The following HARS1 variants were observed in gnomAD, a reference collection of about 807,000 sequenced individuals.
HARS1 encodes the protein histidyl-tRNA synthetase 1.
In HARS1, 45 loss-of-function variants were observed where a neutral mutation model predicts 63.6. The ratio of observed to expected loss-of-function variants is 0.71; its 90% CI spans 0.56 to 0.91. The LOEUF is 0.91. Ranked by LOEUF, HARS1 falls within the 40% of genes least tolerant of loss-of-function variation. The probability of loss-of-function intolerance (pLI) is 0.00; values close to 1 mark genes in which losing one functional copy is unlikely to be tolerated. For missense variants in HARS1, 508 were observed against 643.2 expected, an observed-to-expected ratio of 0.79 and a Z score of 2.27; for synonymous variants, 205 against 247.1, an observed-to-expected ratio of 0.83 and a Z score of 1.60.
At chr5:140,677,512 T>C in intron 7 of HARS1, 92 bp from the exon 8 acceptor site, 1 of 1,126,344 alleles carries the variant, frequency 8.9e-7, no homozygotes, top group Non-Finnish European at 1.4e-6. Flanking sequence ...TTTAGAGCAG[T>C]AGCTGCCCAT....
chr5:140,685,034 C>T (rs1758940748), intron 2 of HARS1: 1 of 152,116 alleles, frequency 6.6e-6, no homozygotes, highest in African/African-American at 2.4e-5. Flanking sequence ...TAACCTTACA[C>T]AGATATGTAG....
At chr5:140,685,480 G>A (rs139145072) in intron 2 of HARS1, 2,420 of 154,216 alleles carry the variant, frequency 0.016, 22 homozygotes, top group Middle Eastern at 0.026. Flanking sequence ...CCAGCACTTT[G>A]GGAGGCCAAG....
chr5:140,679,640 G>A lies in HARS1; in HGVS notation c.396+148C>T, dbSNP rs1313234667. 2 of 562,598 alleles carry A rather than the reference G, an allele frequency of 3.6e-6. No individual in the cohort carries two copies. Among genetic ancestry groups the A allele is most frequent in the Non-Finnish European group, 6.4e-6 (2 of 312,080 alleles). 34.9% of individuals were successfully genotyped at this position (562,598 alleles called of 1,614,324 possible). A position where few individuals can be genotyped will look rare whatever the true frequency, so the allele number is the denominator to read the frequency against. The stretch of plus-strand genomic sequence containing the variant: ...TCTAAGGATGTGTATGCTCTGTTTA[G>A]CCAAAGTTCCACTCCTGGTTTAGAG... On this transcript the variant is annotated intron_variant, in intron 4 of 12. Transcript: ENST00000504156. The surrounding 1 kb of genome is among the most constrained non-coding windows in gnomAD (Gnocchi z 4.3).
rs1266693847 is a variant in HARS1, at chr5:140,673,939, A to G, written c.*318T>C. 15 of 556,678 alleles carry G rather than the reference A, an allele frequency of 2.7e-5. No individual in the cohort carries two copies. In the East Asian group the frequency reaches 3.1e-4, roughly 12 times the overall value. 34.5% of individuals were successfully genotyped at this position (556,678 alleles called of 1,614,324 possible). A position where few individuals can be genotyped will look rare whatever the true frequency, so the allele number is the denominator to read the frequency against. ...GAGGCATTTTATTGGACCTTTGGCA[A>G]TTGGTGGTGGGGAGGCATCTGCTCC... On this transcript the variant is annotated 3_prime_UTR_variant, in exon 13 of 13. Transcript: ENST00000504156.
At chr5:140,675,952 A>G (rs1413382615) in intron 10 of HARS1, 1 of 152,224 alleles carries the variant, frequency 6.6e-6, no homozygotes, top group Non-Finnish European at 1.5e-5. Context: ...TTGCCAGAGC[A>G]TTTCCCAGAA....
intron 5 of HARS1, chr5:140,678,340 A>G (rs1758516220): frequency 2.8e-6 from 1 of 357,790 alleles, no homozygotes; most frequent in African/African-American, 2.1e-5. Flanking sequence ...GGATGATTTG[A>G]TGTATCAAAG....
intron 3 of HARS1, among the ~76,000 whole-genome samples, chr5:140,681,075 T>C (rs1004296232): frequency 6.6e-6 from 1 of 152,052 alleles, no homozygotes; most frequent in Admixed American, 6.6e-5. Context: ...TCATCGGTAA[T>C]AGCATATTTC....
rs1480305168 is a variant in HARS1, at chr5:140,675,186, C to G, written c.1195-53G>C. The G allele has an allele frequency of 4.3e-6, 5 of 1,154,772 alleles. No individual in the cohort carries two copies. In the Admixed American group the frequency reaches 8.6e-5, roughly 20 times the overall value. The allele number at this position is 1,154,772 out of a possible 1,614,324, so 71.5% of individuals were successfully genotyped here. A position where few individuals can be genotyped will look rare whatever the true frequency, so the allele number is the denominator to read the frequency against. On this transcript the variant is annotated intron_variant, in intron 10 of 12. Transcript: ENST00000504156. ...TGGGCTAACACCTTCAAGGAGCAAA[C>G]AAAGCAGGCTCTAGTCGGGATTTTG...
chr5:140,691,133 C>G lies in HARS1; in HGVS notation c.90+82G>C, dbSNP rs1003070382. 7.9e-6 allele frequency: 9 copies of G among 1,145,928 alleles called. No homozygotes were observed. In the African/African-American group the frequency reaches 1.1e-4, roughly 13 times the overall value. 71.0% of individuals were successfully genotyped at this position (1,145,928 alleles called of 1,614,324 possible). A position where few individuals can be genotyped will look rare whatever the true frequency, so the allele number is the denominator to read the frequency against. On this transcript the variant is annotated intron_variant, in intron 1 of 12. Transcript: ENST00000504156. ...ACAAGACTGGTCGCTTCCCTCACAT[C>G]TCTACCCTATGTCCCGAACACCCTG... is the stretch of plus-strand genomic sequence containing the variant.
intron 2 of HARS1, chr5:140,685,243 C>T (rs1267600744): frequency 1.3e-5 from 2 of 150,354 alleles, no homozygotes; most frequent in Middle Eastern, 7.1e-3. Context: ...ATAGTCAAAT[C>T]CATAGAGACA....
intron 2 of HARS1, among the ~76,000 whole-genome samples, chr5:140,686,767 A>G (rs1274712374): frequency 6.6e-6 from 1 of 151,000 alleles, no homozygotes; most frequent in Non-Finnish European, 1.5e-5. Context: ...CGCCCAGCTA[A>G]TTTTTAGTAG....
chr5:140,679,605 T>C lies in HARS1; in HGVS notation c.396+183A>G. 1.9e-6 allele frequency: 1 copy of C among 515,840 alleles called. No individual in the cohort carries two copies. Among genetic ancestry groups the C allele is most frequent in the South Asian group, 3.1e-5 (1 of 32,582 alleles). The allele number at this position is 515,840 out of a possible 1,614,324, so 32.0% of individuals were successfully genotyped here. The stretch of plus-strand genomic sequence containing the variant: ...ATCAAGCTGAGGTCTCACTCAGGAT[T>C]CAGAAGATTTCTAAGGATGTGTATG... On this transcript the variant is annotated intron_variant, in intron 4 of 12. Coordinates refer to ENST00000504156, the MANE Select transcript of HARS1 (RefSeq NM_002109.6). This position sits in a 1 kb window ranked among gnomAD's most constrained non-coding sequence, Gnocchi z 4.3.
chr5:140,674,739 G>A lies in HARS1; in HGVS notation c.1398C>T (p.Ile466=), dbSNP rs766088180. Residue 466 remains isoleucine, a synonymous_variant, in exon 12 of 13, where the codon ATC becomes ATT. Transcript: ENST00000504156. ...CCCCATCCTTGAGTTCCTGCTCGCCGATGATAGCCACCAGTGGGATGCCTG... is the reference window on the plus strand; with the variant it reads ...CCCCATCCTTGAGTTCCTGCTCGCCAATGATAGCCACCAGTGGGATGCCTG... ...EEAGIPLVAI[I]GEQELKDGVI... is the part of the protein sequence containing the mutation. The A allele has an allele frequency of 2.5e-5, 41 of 1,614,052 alleles. No individual in the cohort carries two copies. Among genetic ancestry groups the A allele is most frequent in the Middle Eastern group, 3.3e-4 (2 of 6,084 alleles).
intron 7 of HARS1, 56 bp from the exon 8 acceptor site, chr5:140,677,476 A>T: frequency 7.4e-7 from 1 of 1,352,840 alleles, no homozygotes; most frequent in Non-Finnish European, 1.1e-6. Context: ...CCACAGAGCA[A>T]GTGTGTACTG....
At chr5:140,674,451 A>T (rs1325589921) in intron 12 of HARS1, 123 bp from the exon 13 acceptor site, 17 of 834,418 alleles carry the variant, frequency 2.0e-5, no homozygotes, top group Admixed American at 4.0e-5. Context: ...AACCTAATTA[A>T]ACACCTCAGG....
Position 140,679,599 on chromosome 5 carries a change from C to T in HARS1, c.396+189G>A. ...CCTGACATCAAGCTGAGGTCTCACTCAGGATTCAGAAGATTTCTAAGGATG... is the reference window on the plus strand; with the variant it reads ...CCTGACATCAAGCTGAGGTCTCACTTAGGATTCAGAAGATTTCTAAGGATG... On this transcript the variant is annotated intron_variant, in intron 4 of 12. Coordinates refer to ENST00000504156, the MANE Select transcript of HARS1 (RefSeq NM_002109.6). The surrounding 1 kb of genome is among the most constrained non-coding windows in gnomAD (Gnocchi z 4.3). 1 of 509,318 alleles carries T rather than the reference C, an allele frequency of 2.0e-6. No homozygotes were observed. 31.5% of individuals were successfully genotyped at this position (509,318 alleles called of 1,614,324 possible). A position where few individuals can be genotyped will look rare whatever the true frequency, so the allele number is the denominator to read the frequency against.
Position 140,677,111 on chromosome 5 carries a change from C to A in HARS1, c.829G>T (p.Val277Leu). 1 of 1,613,986 alleles carries A rather than the reference C, an allele frequency of 6.2e-7. No homozygotes were observed. The highest frequency in any genetic ancestry group is 1.1e-5 in the South Asian group (1 of 91,074). ...IGDYVQQHGG[V>L]SLVEQLLQDP... ...TGGAGCAGCTGTTCCACCAGGGATA[C>A]CCCACCTGGGGAGACAGACTTGTGA... The change falls in exon 9 of 13, where the codon GTA becomes TTA. Residue 277 changes from valine to leucine, a missense_variant. Val to Leu is a conservative substitution (Grantham distance 32). This residue lies in a region of HARS1 where 403 missense variants were observed against 548.7 expected (regional missense o/e 0.73). Transcript: ENST00000504156.
chr5:140,686,025 G>A (rs925426292), intron 2 of HARS1, among the ~76,000 whole-genome samples: 1 of 150,682 alleles, frequency 6.6e-6, no homozygotes, highest in Non-Finnish European at 1.5e-5. Context: ...CACCTCCCAG[G>A]TTCAAATAAT....
chr5:140,685,402 C>G (rs1451717810), intron 2 of HARS1: 1 of 152,118 alleles, frequency 6.6e-6, no homozygotes, highest in Non-Finnish European at 1.5e-5. Context: ...GAATGTACTT[C>G]ATGTTACTGA....
Sources: gnomAD v4.1 joint callset for allele counts (sites outside exome capture counted in the v4.1 genomes callset) on GRCh38, gnomAD v4.1.1 for gene constraint, gnomAD v4.1.1 regional missense constraint, Gnocchi (gnomAD v3.1) non-coding constraint, MANE v1.5 for transcripts, NCBI Gene and HGNC (gene_info 2026-07-23, HGNC 2026-07-21) for gene names.